The following TSLP variants were observed in gnomAD, a reference collection of about 807,000 sequenced individuals.
TSLP encodes thymic stromal lymphopoietin.
In TSLP, 12 loss-of-function variants were observed where a neutral mutation model predicts 12.4. That is an observed-to-expected ratio of 0.97 (90% confidence interval 0.62 to 1.57). The LOEUF is 1.57. Ranked by LOEUF, TSLP falls within the 40% of genes most tolerant of loss-of-function variation. The pLI, the probability that TSLP is intolerant of heterozygous loss-of-function variation, is 0.00. For missense variants in TSLP, 222 were observed against 189.6 expected (o/e 1.17, Z -1.00); for synonymous variants, 97 against 69.5 (o/e 1.40, Z -1.97).
chr5:111,072,965 C>A (rs145891234), intron 2 of TSLP, 33 bp downstream of exon 2: 9 of 1,612,538 alleles, frequency 5.6e-6, no homozygotes, highest in African/African-American at 1.3e-5. Context: ...CTGGCTTTCT[C>A]CAGGGAGACG....
intron 3 of TSLP, among the ~76,000 whole-genome samples, 178 bp from the exon 4 acceptor site, chr5:111,075,768 T>A (rs981851715): frequency 6.6e-6 from 1 of 152,000 alleles, no homozygotes; most frequent in Non-Finnish European, 1.5e-5. Flanking sequence ...CAAAAGTAGG[T>A]GGGTACAGAA....
rs1451267825 is a variant in TSLP at position 111,076,681 on chromosome 5, T to C, written c.*607T>C. The C allele has an allele frequency of 1.3e-5, 2 of 152,254 alleles. No individual in the cohort carries two copies. The highest frequency in any genetic ancestry group is 2.4e-5 in the African/African-American group (1 of 41,474). The allele number at this position is 152,254 out of a possible 1,614,324, so 9.4% of individuals were successfully genotyped here. A position where few individuals can be genotyped will look rare whatever the true frequency, so the allele number is the denominator to read the frequency against. ...ACCTTTGTTACAGCTACTATAAATA[T>C]ACATATAAATTATAGAATCTACTTT... On this transcript the variant is annotated 3_prime_UTR_variant, in exon 4 of 4. Coordinates refer to ENST00000344895, the MANE Select transcript of TSLP (RefSeq NM_033035.5).
At chr5:111,075,862 A>G in intron 3 of TSLP, 84 bp from the exon 4 acceptor site, 2 of 1,397,012 alleles carry the variant, frequency 1.4e-6, no homozygotes, top group Non-Finnish European at 2.0e-6. Context: ...ATGGATTTGC[A>G]TAGAGAAGGC....
intron 1 of TSLP, among the ~76,000 whole-genome samples, chr5:111,072,332 G>A (rs1052822782): frequency 6.6e-6 from 1 of 152,150 alleles, no homozygotes; most frequent in African/African-American, 2.4e-5. Context: ...CTTTGCTAAA[G>A]TGTTACTCTG....
intron 1 of TSLP, 121 bp from the exon 2 acceptor site, chr5:111,072,767 G>A (rs1222180054): frequency 2.1e-6 from 2 of 964,382 alleles, no homozygotes; most frequent in East Asian, 4.8e-5. Context: ...TAGGAAAAAG[G>A]TACCTGAGTG....
At position 111,072,936 on chromosome 5, in the gene TSLP, A is replaced by T; in HGVS notation, c.216+4A>T. 1 of 1,614,180 alleles carries T rather than the reference A, an allele frequency of 6.2e-7. No homozygotes were observed. Among genetic ancestry groups the T allele is most frequent in the Non-Finnish European group, 8.5e-7 (1 of 1,180,032 alleles). On this transcript the variant is annotated splice_donor_region_variant and intron_variant, in intron 2 of 3. Transcript: ENST00000344895. ...CACCGTCTCTTGTAGCAATCGGGTG[A>T]GTAGAGAGTTCAGTGCTGCTGGCTT...
intron 1 of TSLP, 64 bp from the exon 2 acceptor site, chr5:111,072,823 AG>A (rs1752377409): frequency 2.0e-6 from 3 of 1,529,264 alleles, no homozygotes; most frequent in Non-Finnish European, 2.7e-6. Flanking sequence ...CAAAGGGTGG[AG>A]GGATGATTTT....
chr5:111,073,057 A>G (rs1016157476), intron 2 of TSLP, 125 bp downstream of exon 2: 1 of 1,173,082 alleles, frequency 8.5e-7, no homozygotes, highest in African/African-American at 1.5e-5. Context: ...CCGCCGGGGG[A>G]AAGGGGACAT....
rs1038300087 is a variant in TSLP, at chr5:111,078,021, T to C, written c.*1947T>C. ...TGGTCAATAAAAAGGAAGTTGCAAA[T>C]TGTGATTTAAGCATATAAAGTTGGT... On this transcript the variant is annotated 3_prime_UTR_variant, in exon 4 of 4. Transcript: ENST00000344895. The C allele has an allele frequency of 1.3e-5, 2 of 152,600 alleles. No individual in the cohort carries two copies. Among genetic ancestry groups the C allele is most frequent in the African/African-American group, 4.8e-5 (2 of 41,434 alleles). The allele number at this position is 152,600 out of a possible 1,614,324, so 9.5% of individuals were successfully genotyped here.
At chr5:111,070,707 C>A (rs1752319904), upstream of TSLP, 1 of 152,320 alleles carries the variant, frequency 6.6e-6, no homozygotes, top group Non-Finnish European at 1.5e-5. Context: ...AAATCTGAGC[C>A]CGCCATCTCG....
rs529866527 is a variant in TSLP at position 111,077,545 on chromosome 5, T to C, written c.*1471T>C. On this transcript the variant is annotated 3_prime_UTR_variant, in exon 4 of 4. Transcript: ENST00000344895. ...TGAAGACCTGACCCAAGCTCTTAAATGCTATTGTAAGAGAAATTTCTTTGT... is the reference window on the plus strand; with the variant it reads ...TGAAGACCTGACCCAAGCTCTTAAACGCTATTGTAAGAGAAATTTCTTTGT... 3.9e-5 allele frequency: 6 copies of C among 152,462 alleles called. No individual in the cohort carries two copies. The highest frequency in any genetic ancestry group is 1.4e-4 in the African/African-American group (6 of 41,452). The allele number at this position is 152,462 out of a possible 1,614,324, so 9.4% of individuals were successfully genotyped here.
At chr5:111,073,063 G>T (rs1045068534) in intron 2 of TSLP, 131 bp downstream of exon 2, 1 of 1,120,166 alleles carries the variant, frequency 8.9e-7, no homozygotes, top group Non-Finnish European at 1.3e-6. Context: ...GGGGAAAGGG[G>T]ACATCTGGGC....
intron 2 of TSLP, chr5:111,073,183 T>C (rs1752389812): frequency 4.1e-6 from 4 of 964,944 alleles, no homozygotes; most frequent in South Asian, 1.9e-5. Context: ...GAGGGAACGT[T>C]GTTAGGGGCA....
chr5:111,075,770 G>T (rs570036552), intron 3 of TSLP, among the ~76,000 whole-genome samples, 176 bp from the exon 4 acceptor site: 9 of 152,210 alleles, frequency 5.9e-5, no homozygotes, highest in African/African-American at 2.2e-4. Flanking sequence ...AAAGTAGGTG[G>T]GTACAGAAAC....
intron 1 of TSLP, 115 bp from the exon 2 acceptor site, chr5:111,072,773 G>A (rs1752376507): frequency 2.9e-6 from 3 of 1,022,774 alleles, no homozygotes; most frequent in Non-Finnish European, 4.6e-6. Flanking sequence ...AAAGGTACCT[G>A]AGTGGAAACT....
At chr5:111,075,612 A>T (rs1752479552) in intron 3 of TSLP, among the ~76,000 whole-genome samples, 1 of 152,206 alleles carries the variant, frequency 6.6e-6, no homozygotes, top group South Asian at 2.1e-4. Context: ...GCTATGGGGA[A>T]TACCTATGAT....
In TSLP at chr5:111,075,954, T is replaced by A; in HGVS notation, c.360T>A (p.Ala120=). The change falls in exon 4 of 4, where the codon GCT becomes GCA. Residue 120 remains alanine, a synonymous_variant. Coordinates refer to ENST00000344895, the MANE Select transcript of TSLP (RefSeq NM_033035.5). ...ATTCTTATATTCTGCAGATAAATGCTACTCAGGCAATGAAGAAGAGGAGAA... is the reference window on the plus strand; with the variant it reads ...ATTCTTATATTCTGCAGATAAATGCAACTCAGGCAATGAAGAAGAGGAGAA... ...CPGYSETQIN[A]TQAMKKRRKR... The A allele has an allele frequency of 6.2e-7, 1 of 1,613,230 alleles. No individual in the cohort carries two copies. The highest frequency in any genetic ancestry group is 8.5e-7 in the Non-Finnish European group (1 of 1,179,820).
intron 1 of TSLP, 84 bp from the exon 2 acceptor site, chr5:111,072,804 G>A (rs979618229): frequency 7.0e-7 from 1 of 1,427,600 alleles, no homozygotes; most frequent in East Asian, 2.3e-5. Context: ...CACCTTTAAA[G>A]CCTGGGAGCA....
upstream of TSLP, chr5:111,071,094 T>C (rs981134770): frequency 2.5e-5 from 5 of 201,156 alleles, no homozygotes; most frequent in East Asian, 3.4e-4. Flanking sequence ...ATTTGAAAAG[T>C]AGGGTTTTTG....
Sources: allele counts gnomAD v4.1 joint callset (sites outside exome capture counted in the v4.1 genomes callset), GRCh38; gene constraint gnomAD v4.1.1; transcripts MANE v1.5; gene names NCBI Gene and HGNC (gene_info 2026-07-23, HGNC 2026-07-21).